The following CCDC73 variants were observed in gnomAD, a reference collection of about 807,000 sequenced individuals.
CCDC73 encodes coiled-coil domain-containing protein 73.
In CCDC73, 95 loss-of-function variants were observed where a neutral mutation model predicts 116.5. That is an observed-to-expected ratio of 0.82 (90% CI 0.69 to 0.97). The LOEUF (loss-of-function observed/expected upper bound fraction) is 0.97. Among genes scored for constraint, CCDC73 ranks in the 50% least tolerant of loss-of-function variants. CCDC73 has a pLI of 0.00. For missense variants in CCDC73, 1,066 were observed against 1,206.8 expected (o/e 0.88, Z 1.73); for synonymous variants, 398 against 401.3 (o/e 0.99, Z 0.10).
intron 9 of CCDC73, among the ~76,000 whole-genome samples, chr11:32,662,455 A>T (rs1485375254): frequency 4.6e-5 from 7 of 151,464 alleles, no homozygotes; most frequent in African/African-American, 1.7e-4. Flanking sequence ...GCATTTTTTC[A>T]TGTGTCTGTT....
intron 17 of CCDC73, among the ~76,000 whole-genome samples, chr11:32,606,661 C>T (rs901571840): frequency 2.0e-5 from 3 of 152,100 alleles, no homozygotes; most frequent in Non-Finnish European, 4.4e-5. Flanking sequence ...TAGCATTTGA[C>T]TAAGAGCCAC....
chr11:32,603,715 G>GAGTT (rs1855307917), intron 17 of CCDC73: 1 of 151,980 alleles, frequency 6.6e-6, no homozygotes, highest in African/African-American at 2.4e-5. Flanking sequence ...AAATTAATTC[G>GAGTT]AGTTAATTTC....
chr11:32,713,855 G>C (rs1021131460), intron 3 of CCDC73, among the ~76,000 whole-genome samples: 2 of 151,894 alleles, frequency 1.3e-5, no homozygotes, highest in Non-Finnish European at 2.9e-5. Context: ...GCACTGTCTT[G>C]GTAAAACTGT....
intron 3 of CCDC73, among the ~76,000 whole-genome samples, chr11:32,707,773 C>A (rs2133321954): frequency 6.6e-6 from 1 of 152,272 alleles, no homozygotes; most frequent in Admixed American, 6.5e-5. Flanking sequence ...CGATTCAATA[C>A]TTTCCAAGGC....
At chr11:32,790,497 C>CAA (rs1316544311) in intron 1 of CCDC73, among the ~76,000 whole-genome samples, 2 of 152,038 alleles carry the variant, frequency 1.3e-5, no homozygotes, top group Non-Finnish European at 2.9e-5. Context: ...TATTAACCTC[C>CAA]AAGTGAGGAA....
chr11:32,801,914 G>C, the CCDC73 span, among the ~76,000 whole-genome samples: 31 of 152,280 alleles, frequency 2.0e-4, no homozygotes, highest in Non-Finnish European at 2.8e-4. Flanking sequence ...AACTCGGTTA[G>C]ATCACCCAGG....
At chr11:32,621,783 C>G (rs1855524981) in intron 14 of CCDC73, among the ~76,000 whole-genome samples, 3 of 151,712 alleles carry the variant, frequency 2.0e-5, no homozygotes, top group African/African-American at 7.3e-5. Context: ...GGCTAATATC[C>G]AGAATTTGCA....
Position 32,729,206 on chromosome 11 carries a change from T to C in CCDC73, c.136-11059A>G, listed in dbSNP as rs544347162. ...CCCTAATAGGCTCCAGTGTATGTTGTTCCCCACCATGTGTCCATGTGTTTG... is the reference window on the plus strand; with the variant it reads ...CCCTAATAGGCTCCAGTGTATGTTGCTCCCCACCATGTGTCCATGTGTTTG... On this transcript the variant is annotated intron_variant, in intron 2 of 17. Coordinates refer to ENST00000335185, the MANE Select transcript of CCDC73 (RefSeq NM_001008391.4). Among the ~76,000 whole-genome samples the C allele has an allele frequency of 9.7e-4, 147 of 152,278 alleles. 1 individual carries two copies. Among genetic ancestry groups the C allele is most frequent in the African/African-American group, 3.4e-3 (141 of 41,556 alleles).
intron 2 of CCDC73, among the ~76,000 whole-genome samples, chr11:32,738,287 C>A (rs1006984625): frequency 1.3e-5 from 2 of 152,132 alleles, no homozygotes; most frequent in African/African-American, 4.8e-5. Flanking sequence ...AAATTGTTCT[C>A]CGTAGGGGTT....
chr11:32,828,328 G>C, the CCDC73 span, among the ~76,000 whole-genome samples: 1 of 151,924 alleles, frequency 6.6e-6, no homozygotes, highest in South Asian at 2.1e-4. Flanking sequence ...GGCCAACATG[G>C]TGAAAACCCC....
chr11:32,626,803 C>A (rs1385288315), intron 14 of CCDC73, among the ~76,000 whole-genome samples: 7 of 152,196 alleles, frequency 4.6e-5, no homozygotes, highest in African/African-American at 1.7e-4. Flanking sequence ...CCCTTCCTTA[C>A]ACCTTATACA....
At chr11:32,692,049 CAAAAAA>C (rs1173539877) in intron 6 of CCDC73, among the ~76,000 whole-genome samples, 3 of 60,754 alleles carry the variant, frequency 4.9e-5, no homozygotes, top group South Asian at 6.0e-4. Flanking sequence ...CTCCGTCTCA[CAAAAAA>C]AAAAAAAAAA....
chr11:32,686,283 T>A (rs1431165302), intron 6 of CCDC73, among the ~76,000 whole-genome samples: 2 of 131,442 alleles, frequency 1.5e-5, no homozygotes, highest in Non-Finnish European at 3.2e-5. Context: ...AAAGATTAAA[T>A]AAGCCAGTTT....
rs762354850 is a variant in CCDC73 at position 32,642,005 on chromosome 11, C to A, written c.1017G>T (p.Glu339Asp). The part of the protein sequence containing the change: ...NEEKFLNLQN[E>D]HEKALGTWKR... ...TCCAAGTTCCTAGTGCTTTTTCATG[C>A]TCATTTTGAAGATTAAGAAACTTTT... The change falls in exon 13 of 18, where the codon GAG (glutamate) becomes GAT (aspartate). Residue 339 changes from glutamate (E) to aspartate (D), a missense_variant. Glu to Asp is a conservative substitution (Grantham distance 45). Coordinates refer to ENST00000335185, the MANE Select transcript of CCDC73 (RefSeq NM_001008391.4). 1 of 1,552,114 alleles carries A rather than the reference C, an allele frequency of 6.4e-7. No individual in the cohort carries two copies. Among genetic ancestry groups the A allele is most frequent in the South Asian group, 1.3e-5 (1 of 78,158 alleles).
intron 9 of CCDC73, among the ~76,000 whole-genome samples, chr11:32,667,365 G>A (rs1855994768): frequency 6.6e-6 from 1 of 152,180 alleles, no homozygotes; most frequent in Non-Finnish European, 1.5e-5. Flanking sequence ...AGCAATGGTG[G>A]GTGCCCCTCC....
At position 32,652,948 on chromosome 11, in the gene CCDC73, T is replaced by C. The variant is rs182825906; in HGVS notation, c.939+175A>G. ...ACTAGTGACATAAATGTGAATAATA[T>C]ATGTTCATTACTTTAGACACTGAAA... On this transcript the variant is annotated intron_variant, in intron 12 of 17. Coordinates refer to ENST00000335185, the MANE Select transcript of CCDC73 (RefSeq NM_001008391.4). 3.9e-5 allele frequency among the ~76,000 whole-genome samples: 6 copies of C among 152,336 alleles called. No individual in the cohort carries two copies. The East Asian group carries it at 1.2e-3, about 29-fold the overall frequency.
intron 1 of CCDC73, among the ~76,000 whole-genome samples, chr11:32,788,585 C>T (rs1850647161): frequency 6.6e-6 from 1 of 151,852 alleles, no homozygotes; most frequent in South Asian, 2.1e-4. Context: ...TGAGATCCTC[C>T]CACCTCAGCC....
chr11:32,787,760 G>C (rs1045366043), intron 1 of CCDC73, among the ~76,000 whole-genome samples: 1 of 152,050 alleles, frequency 6.6e-6, no homozygotes, highest in Non-Finnish European at 1.5e-5. Flanking sequence ...ACACAAGCTG[G>C]TGCATGTGTA....
intron 1 of CCDC73, among the ~76,000 whole-genome samples, chr11:32,761,813 A>G (rs1270125503): frequency 6.6e-6 from 1 of 152,126 alleles, no homozygotes; most frequent in East Asian, 1.9e-4. Flanking sequence ...TGGCTTACAC[A>G]ATTGTGGCGG....
Sources: allele counts gnomAD v4.1 joint callset (sites outside exome capture counted in the v4.1 genomes callset), GRCh38; gene constraint gnomAD v4.1.1; transcripts MANE v1.5; gene names NCBI Gene and HGNC (gene_info 2026-07-23, HGNC 2026-07-21).